The following AGXT2 variants were observed in gnomAD, a reference collection of about 807,000 sequenced individuals.
AGXT2 encodes alanine--glyoxylate aminotransferase 2, mitochondrial.
AGXT2 carries 61 observed loss-of-function variants against 62.5 expected under a neutral mutation model. That is an observed-to-expected ratio of 0.98 (90% CI 0.79 to 1.21). The LOEUF is 1.21. AGXT2 is among the 50% of genes most tolerant of loss of function. The probability of loss-of-function intolerance (pLI) is 0.00; values close to 1 mark genes in which losing one functional copy is unlikely to be tolerated. For missense variants in AGXT2, 666 were observed against 641.5 expected (o/e 1.04, Z -0.41); for synonymous variants, 243 against 218.7 (o/e 1.11, Z -0.98).
At chr5:35,004,704 T>A (rs1334101333) in intron 12 of AGXT2, among the ~76,000 whole-genome samples, 2 of 152,230 alleles carry the variant, frequency 1.3e-5, no homozygotes, top group Non-Finnish European at 2.9e-5. Context: ...TCTGCATTTT[T>A]AAAATGGTCC....
rs191616155 is a variant in AGXT2 at position 35,047,743 on chromosome 5, A to C, written c.88+62T>G. ...CAGAATCCCAGGCAGCAGCCTTCGGAGCTCAAGTCTTACCCTCTCGCTGAT... is the reference window on the plus strand; with the variant it reads ...CAGAATCCCAGGCAGCAGCCTTCGGCGCTCAAGTCTTACCCTCTCGCTGAT... On this transcript the variant is annotated intron_variant, in intron 1 of 13. Coordinates refer to ENST00000231420, the MANE Select transcript of AGXT2 (RefSeq NM_031900.4). 21 of 1,589,640 alleles carry C rather than the reference A, an allele frequency of 1.3e-5. No homozygotes were observed. In the Admixed American group the frequency reaches 3.5e-4, roughly 26 times the overall value.
chr5:35,028,579 GA>G (rs1767447010), intron 7 of AGXT2, among the ~76,000 whole-genome samples: 1 of 86,894 alleles, frequency 1.2e-5, no homozygotes, highest in Non-Finnish European at 2.3e-5. Context: ...GAGAGAGAGA[GA>G]GAGAGAGAGA....
chr5:35,045,917 G>T (rs1050803409), intron 1 of AGXT2, among the ~76,000 whole-genome samples: 1 of 151,824 alleles, frequency 6.6e-6, no homozygotes, highest in Non-Finnish European at 1.5e-5. Flanking sequence ...ACAGGCGTTC[G>T]CCACCATGCC....
intron 9 of AGXT2, among the ~76,000 whole-genome samples, chr5:35,015,616 G>A (rs146892658): frequency 0.04 from 6,014 of 152,134 alleles, 148 homozygotes; most frequent in African/African-American, 0.067. Flanking sequence ...TTGGGAGGCC[G>A]AGGTGGGTGG....
At chr5:35,017,681 G>A (rs1766897603) in intron 9 of AGXT2, among the ~76,000 whole-genome samples, 1 of 152,136 alleles carries the variant, frequency 6.6e-6, no homozygotes, top group African/African-American at 2.4e-5. Context: ...CTCCTCCAAA[G>A]GAACGCAGTT....
rs1766099939 is a variant in AGXT2, at chr5:34,998,181, T to G, written c.*538A>C. 2 of 165,848 alleles carry G rather than the reference T, an allele frequency of 1.2e-5. No individual in the cohort carries two copies. Among genetic ancestry groups the G allele is most frequent in the Non-Finnish European group, 2.6e-5 (2 of 75,554 alleles). The allele number at this position is 165,848 out of a possible 1,614,324, so 10.3% of individuals were successfully genotyped here. A position where few individuals can be genotyped will look rare whatever the true frequency, so the allele number is the denominator to read the frequency against. ...CTCCAGGAATGCTTAAGTGAGTGCT[T>G]CTTTGACATCACTAAGCACTTGGCT... On this transcript the variant is annotated 3_prime_UTR_variant, in exon 14 of 14. Coordinates refer to ENST00000231420, the MANE Select transcript of AGXT2 (RefSeq NM_031900.4).
chr5:35,025,432 TATG>T (rs763851756), intron 9 of AGXT2, among the ~76,000 whole-genome samples: 4 of 152,162 alleles, frequency 2.6e-5, no homozygotes, highest in Non-Finnish European at 5.9e-5. Flanking sequence ...TTAAATTTCC[TATG>T]ATGTTTGTCA....
chr5:35,018,854 G>A (rs1766953229), intron 9 of AGXT2, among the ~76,000 whole-genome samples: 1 of 144,326 alleles, frequency 6.9e-6, no homozygotes, highest in Non-Finnish European at 1.5e-5. Flanking sequence ...ACACACATAG[G>A]CTCAAAATAA....
chr5:35,039,229 C>A (rs1166405732), intron 3 of AGXT2, 95 bp downstream of exon 3: 38 of 1,411,944 alleles, frequency 2.7e-5, no homozygotes, highest in Non-Finnish European at 3.4e-5. Context: ...TATTTTTAAA[C>A]CAAGATAAGC....
chr5:35,024,545 GTGCTTTAA>G (rs946672565), intron 9 of AGXT2, among the ~76,000 whole-genome samples: 1 of 152,206 alleles, frequency 6.6e-6, no homozygotes, highest in African/African-American at 2.4e-5. Context: ...TGGGAGTAGT[GTGCTTTAA>G]TGCTTTAATG....
chr5:35,032,921 A>T, intron 6 of AGXT2, 96 bp from the exon 7 acceptor site: 6 of 959,400 alleles, frequency 6.3e-6, no homozygotes, highest in Non-Finnish European at 9.8e-6. Flanking sequence ...AGGGCTTCTT[A>T]GTTTTCCTCC....
Position 35,032,712 on chromosome 5 carries a change from C to T in AGXT2, c.769+20G>A, listed in dbSNP as rs752133202. Reference sequence around the variant, plus strand: ...TCCAACTTCCAACACTCCACTGGCACCCCCCTTGCCCAGTCGGACCTGGTG... The same window carrying T: ...TCCAACTTCCAACACTCCACTGGCATCCCCCTTGCCCAGTCGGACCTGGTG... On this transcript the variant is annotated intron_variant, in intron 7 of 13. Coordinates refer to ENST00000231420, the MANE Select transcript of AGXT2 (RefSeq NM_031900.4). 3 of 1,584,878 alleles carry T rather than the reference C, an allele frequency of 1.9e-6. No homozygotes were observed. Among genetic ancestry groups the T allele is most frequent in the East Asian group, 2.3e-5 (1 of 44,370 alleles).
At chr5:35,033,209 G>A (rs1264673630) in intron 6 of AGXT2, 2 of 510,650 alleles carry the variant, frequency 3.9e-6, no homozygotes, top group African/African-American at 3.9e-5. Flanking sequence ...GATTCTCAGA[G>A]CCTTGCAGTT....
rs568212039 is a variant in AGXT2 at position 35,002,779 on chromosome 5, G to C, written c.1437+984C>G. Among the ~76,000 whole-genome samples the C allele has an allele frequency of 5.5e-3, 724 of 131,320 alleles. 5 individuals are homozygous for C. Among genetic ancestry groups the C allele is most frequent in the African/African-American group, 0.019 (649 of 33,336 alleles). The allele number at this position is 131,320 out of a possible 152,430, so 86.2% of individuals were successfully genotyped here. A position where few individuals can be genotyped will look rare whatever the true frequency, so the allele number is the denominator to read the frequency against. ...ATGGCGCTTTGTGATAGCAGGCTGG[G>C]GGGGGGGACTAACACGGGAGGAAAG... is the stretch of plus-strand genomic sequence containing the variant. On this transcript the variant is annotated intron_variant, in intron 13 of 13. Transcript: ENST00000231420.
rs70973023 is a variant in AGXT2 at position 35,041,223 on chromosome 5, C to CGAAAAAAAAAAAAAA, written c.89-561_89-560insTTTTTTTTTTTTTTC. On this transcript the variant is annotated intron_variant, in intron 1 of 13. Transcript: ENST00000231420. ...CCCAGAAGACAAAACCTCCCCCCGC[C>CGAAAAAAAAAAAAAA]AAAAAAAAAAAAAAAAAAAGGCTGC... Among the ~76,000 whole-genome samples the CGAAAAAAAAAAAAAA allele has an allele frequency of 1.2e-4, 6 of 51,396 alleles. 1 individual carries two copies. The highest frequency in any genetic ancestry group is 1.7e-4 in the Non-Finnish European group (5 of 30,134). 33.7% of individuals were successfully genotyped at this position (51,396 alleles called of 152,430 possible).
At chr5:35,022,340 T>A (rs1187950817) in intron 9 of AGXT2, among the ~76,000 whole-genome samples, 1 of 151,846 alleles carries the variant, frequency 6.6e-6, no homozygotes, top group Non-Finnish European at 1.5e-5. Flanking sequence ...CCAACAATGA[T>A]AGACTGGATT....
At chr5:35,033,416 C>T (rs1363300910) in intron 6 of AGXT2, 44 bp downstream of exon 6, 1 of 1,424,150 alleles carries the variant, frequency 7.0e-7, no homozygotes. Context: ...ACTTCACATA[C>T]CCAGCAGTCT....
At chr5:35,036,390 G>A (rs1335110669) in intron 4 of AGXT2, among the ~76,000 whole-genome samples, 2 of 152,130 alleles carry the variant, frequency 1.3e-5, no homozygotes, top group Non-Finnish European at 2.9e-5. Flanking sequence ...GGAAATCTTG[G>A]CCAACATTTT....
chr5:35,035,931 G>A (rs464190), intron 4 of AGXT2, among the ~76,000 whole-genome samples: 142,611 of 152,174 alleles, frequency 0.94, 67,309 homozygotes, highest in Non-Finnish European at 1. Context: ...ACAAAAATTA[G>A]CCAGGTGTGG....
Sources: allele counts gnomAD v4.1 joint callset (sites outside exome capture counted in the v4.1 genomes callset), GRCh38; gene constraint gnomAD v4.1.1; transcripts MANE v1.5; gene names NCBI Gene and HGNC (gene_info 2026-07-23, HGNC 2026-07-21).